GAS2: variants seen among roughly 807,000 people sequenced by gnomAD.
GAS2 encodes the protein growth arrest specific 2.
A neutral mutation model predicts 37.5 loss-of-function variants in GAS2; 20 were observed. The observed-to-expected ratio is 0.53, with a 90% confidence interval of 0.37 to 0.77. The LOEUF is 0.77. GAS2 is among the 30% of genes least tolerant of loss of function. GAS2 has a pLI of 0.00. For synonymous variants in GAS2, 144 were observed against 132.2 expected (o/e 1.09, Z -0.61); for missense variants, 336 against 373.4 (o/e 0.90, Z 0.82).
chr11:22,761,646 T>G (rs1854397518), intron 7 of GAS2, among the ~76,000 whole-genome samples: 1 of 152,170 alleles, frequency 6.6e-6, no homozygotes, highest in African/African-American at 2.4e-5. Context: ...GAAACAGGTT[T>G]CTTTAATTGC....
intron 1 of GAS2, among the ~76,000 whole-genome samples, chr11:22,648,846 A>G (rs1015829918): frequency 1.3e-5 from 2 of 152,186 alleles, no homozygotes; most frequent in Non-Finnish European, 2.9e-5. Flanking sequence ...TAGATATACA[A>G]TCATGTCGTC....
intron 7 of GAS2, among the ~76,000 whole-genome samples, chr11:22,787,455 ATAGT>A (rs1287051723): frequency 2.0e-5 from 3 of 152,172 alleles, no homozygotes; most frequent in African/African-American, 7.2e-5. Context: ...GTACATATAC[ATAGT>A]TATGTATACA....
At chr11:22,666,960 G>T (rs1429835768) in intron 1 of GAS2, 61 bp downstream of exon 1, 1 of 152,318 alleles carries the variant, frequency 6.6e-6, no homozygotes, top group Non-Finnish European at 1.5e-5. Flanking sequence ...GCGCACCGCA[G>T]CCGGGGCTCA....
At chr11:22,765,860 A>T (rs1315002649) in intron 7 of GAS2, among the ~76,000 whole-genome samples, 1 of 152,154 alleles carries the variant, frequency 6.6e-6, no homozygotes, top group Non-Finnish European at 1.5e-5. Flanking sequence ...TGCAGGCTGT[A>T]CAGAAAGCAG....
At chr11:22,741,926 C>T (rs920441663) in intron 5 of GAS2, among the ~76,000 whole-genome samples, 19 of 152,022 alleles carry the variant, frequency 1.2e-4, no homozygotes, top group Admixed American at 8.5e-4. Flanking sequence ...AAAATAGGAT[C>T]CAGATGTCTT....
At chr11:22,735,224 C>CCT (rs1852686521) in intron 4 of GAS2, among the ~76,000 whole-genome samples, 1 of 109,208 alleles carries the variant, frequency 9.2e-6, no homozygotes, top group African/African-American at 3.7e-5. Context: ...ACCAATCATT[C>CCT]TTTTTTTTTT....
intron 7 of GAS2, among the ~76,000 whole-genome samples, chr11:22,758,688 C>T (rs531618900): frequency 2.5e-4 from 38 of 152,134 alleles, no homozygotes; most frequent in Middle Eastern, 3.4e-3. Flanking sequence ...CCGAGGCGGG[C>T]AGATCACCTG....
intron 7 of GAS2, among the ~76,000 whole-genome samples, chr11:22,794,122 T>TTC: frequency 6.6e-6 from 1 of 151,902 alleles, no homozygotes; most frequent in Non-Finnish European, 1.5e-5. Flanking sequence ...TTTTTTTTTT[T>TTC]TAGTGAAGAA....
chr11:22,641,296 A>G (rs957472991), intron 1 of GAS2, among the ~76,000 whole-genome samples: 1 of 59,898 alleles, frequency 1.7e-5, no homozygotes, highest in Non-Finnish European at 3.1e-5. Context: ...ATCTTTATAT[A>G]TATATCTTTA....
At chr11:22,731,265 A>T (rs908391613) in intron 4 of GAS2, 37 of 396,350 alleles carry the variant, frequency 9.3e-5, no homozygotes, top group Non-Finnish European at 1.5e-4. Flanking sequence ...GAAGTATTTT[A>T]AAAATACACA....
chr11:22,685,519 A>G, intron 2 of GAS2, 149 bp from the exon 3 acceptor site: 4 of 717,952 alleles, frequency 5.6e-6, no homozygotes, highest in Admixed American at 3.1e-5. Flanking sequence ...GAAAATTCCA[A>G]AGAAATGACT....
chr11:22,719,517 C>G (rs1851844781), intron 3 of GAS2, among the ~76,000 whole-genome samples: 1 of 151,674 alleles, frequency 6.6e-6, no homozygotes, highest in African/African-American at 2.4e-5. Flanking sequence ...TTTTAGGGTT[C>G]ACTCTTAGTG....
intron 4 of GAS2, among the ~76,000 whole-genome samples, chr11:22,735,089 T>A (rs2134210401): frequency 6.6e-6 from 1 of 151,816 alleles, no homozygotes; most frequent in East Asian, 1.9e-4. Context: ...CACCACCACA[T>A]AACCACATAA....
At position 22,737,756 on chromosome 11, in the gene GAS2, G is replaced by A. The variant is rs1229337785; in HGVS notation, c.461G>A (p.Arg154Gln). 23 of 1,613,938 alleles carry A rather than the reference G, an allele frequency of 1.4e-5. No individual in the cohort carries two copies. Among genetic ancestry groups the A allele is most frequent in the African/African-American group, 4.0e-5 (3 of 74,902 alleles). ...EVCLCLLELG[R>Q]IAARYGVEPP... ...TGTCTCTGTCTGCTAGAGCTTGGCC[G>A]GATTGCAGCCAGGTAGGTCAAACCA... Residue 154 changes from arginine to glutamine, a missense_variant, in exon 5 of 8, where the codon CGG becomes CAG. Coordinates refer to ENST00000454584, the MANE Select transcript of GAS2 (RefSeq NM_001143830.3).
At chr11:22,736,504 C>T (rs1339803467) in intron 4 of GAS2, among the ~76,000 whole-genome samples, 1 of 151,898 alleles carries the variant, frequency 6.6e-6, no homozygotes. Flanking sequence ...TTGGATGTCT[C>T]CTTAAAACCA....
At chr11:22,723,151 C>T (rs983331511) in intron 3 of GAS2, among the ~76,000 whole-genome samples, 1 of 151,850 alleles carries the variant, frequency 6.6e-6, no homozygotes, top group Non-Finnish European at 1.5e-5. Context: ...CAGTCTTCAG[C>T]TGGCATGGGA....
chr11:22,766,023 G>A (rs1320438296), intron 7 of GAS2, among the ~76,000 whole-genome samples: 2 of 152,182 alleles, frequency 1.3e-5, no homozygotes, highest in Non-Finnish European at 1.5e-5. Flanking sequence ...CTCACTCAGT[G>A]CGAGAGCTCA....
chr11:22,787,144 C>T (rs187275339), intron 7 of GAS2, among the ~76,000 whole-genome samples: 7 of 152,208 alleles, frequency 4.6e-5, no homozygotes, highest in Non-Finnish European at 7.4e-5. Flanking sequence ...AGAATAGATA[C>T]TAATGAAACA....
At chr11:22,786,048 GC>G (rs1855804538) in intron 7 of GAS2, among the ~76,000 whole-genome samples, 1 of 152,092 alleles carries the variant, frequency 6.6e-6, no homozygotes, top group Non-Finnish European at 1.5e-5. Flanking sequence ...AAAATCCAAA[GC>G]AAACCAAGCA....
Sources: allele counts gnomAD v4.1 joint callset (sites outside exome capture counted in the v4.1 genomes callset), GRCh38; gene constraint gnomAD v4.1.1; transcripts MANE v1.5; gene names NCBI Gene and HGNC (gene_info 2026-07-23, HGNC 2026-07-21).